The following ADAMTS18 variants were observed in gnomAD, a reference collection of about 807,000 sequenced individuals.
The protein encoded by ADAMTS18 is A disintegrin and metalloproteinase with thrombospondin motifs 18.
In ADAMTS18, 157 loss-of-function variants were observed where a neutral mutation model predicts 165.9. The observed-to-expected ratio is 0.95, with a 90% CI of 0.83 to 1.08. The LOEUF (loss-of-function observed/expected upper bound fraction) is 1.08. Ranked by LOEUF, ADAMTS18 falls within the 50% of genes least tolerant of loss-of-function variation. The pLI, the probability that ADAMTS18 is intolerant of heterozygous loss-of-function variation, is 0.00. For synonymous variants in ADAMTS18, 782 were observed against 578.2 expected, an observed-to-expected ratio of 1.35 and a Z score of -5.06; for missense variants, 2,040 against 1,534.0, an observed-to-expected ratio of 1.33 and a Z score of -5.51.
intron 13 of ADAMTS18, among the ~76,000 whole-genome samples, chr16:77,323,903 G>C (rs1237393863): frequency 6.6e-6 from 1 of 152,166 alleles, no homozygotes; most frequent in Non-Finnish European, 1.5e-5. Flanking sequence ...AAAGAGTTCA[G>C]TAAACATCTG....
At chr16:77,421,691 A>T (rs554218918) in intron 3 of ADAMTS18, among the ~76,000 whole-genome samples, 2 of 152,206 alleles carry the variant, frequency 1.3e-5, no homozygotes, top group Admixed American at 1.3e-4. Context: ...TTGGTAAGCC[A>T]TATCTGGCTA....
intron 3 of ADAMTS18, among the ~76,000 whole-genome samples, chr16:77,412,655 G>A (rs770199410): frequency 8.5e-5 from 13 of 152,238 alleles, no homozygotes; most frequent in Non-Finnish European, 1.5e-4. Context: ...AAGGTGAAAC[G>A]CACGTCTTAC....
At chr16:77,422,734 T>C (rs181369619) in intron 3 of ADAMTS18, among the ~76,000 whole-genome samples, 9 of 152,136 alleles carry the variant, frequency 5.9e-5, no homozygotes, top group African/African-American at 2.2e-4. Context: ...ATGCTTAACA[T>C]AGCCTGAGAT....
intron 3 of ADAMTS18, among the ~76,000 whole-genome samples, chr16:77,403,036 GCTT>G (rs1243856185): frequency 4.6e-5 from 7 of 152,042 alleles, no homozygotes; most frequent in Admixed American, 6.5e-5. Context: ...TATATTAACC[GCTT>G]ATTATGTGCC....
intron 3 of ADAMTS18, among the ~76,000 whole-genome samples, chr16:77,394,527 GAAATT>G (rs1344338174): frequency 9.9e-5 from 15 of 152,098 alleles, no homozygotes; most frequent in Non-Finnish European, 1.8e-4. Context: ...TAAACCATTA[GAAATT>G]TGTGTGAAAA....
At chr16:77,301,670 C>T (rs1367653625) in intron 16 of ADAMTS18, among the ~76,000 whole-genome samples, 1 of 152,196 alleles carries the variant, frequency 6.6e-6, no homozygotes, top group Non-Finnish European at 1.5e-5. Flanking sequence ...CTGTTCAAGG[C>T]CCTTCATTTC....
chr16:77,316,414 C>G (rs1411250778), intron 16 of ADAMTS18, among the ~76,000 whole-genome samples: 2 of 151,980 alleles, frequency 1.3e-5, no homozygotes, highest in African/African-American at 4.8e-5. Flanking sequence ...GCCACCATAC[C>G]CAGCTAATTT....
At chr16:77,367,818 G>A in intron 3 of ADAMTS18, 95 bp from the exon 4 acceptor site, 2 of 1,402,402 alleles carry the variant, frequency 1.4e-6, no homozygotes, top group Admixed American at 1.7e-5. Context: ...ATTCCTGTAT[G>A]TGGGCACAGG....
chr16:77,300,518 G>T, intron 16 of ADAMTS18, 114 bp from the exon 17 acceptor site: 1 of 1,190,924 alleles, frequency 8.4e-7, no homozygotes, highest in Non-Finnish European at 1.2e-6. Context: ...CTTAACATTG[G>T]TATACTTCAT....
Position 77,289,524 on chromosome 16 carries a change from G to C in ADAMTS18, c.3403-113C>G, listed in dbSNP as rs568877847. ...TAACAAGATGCCTGCTGATGAAACA[G>C]ATTGGCTGGAGCCAGGCACATGTGC... is the stretch of plus-strand genomic sequence containing the variant. On this transcript the variant is annotated intron_variant, in intron 21 of 22. Coordinates refer to ENST00000282849, the MANE Select transcript of ADAMTS18 (RefSeq NM_199355.4). 5.5e-6 allele frequency: 7 copies of C among 1,281,500 alleles called. No individual in the cohort carries two copies. In the African/African-American group the frequency reaches 5.8e-5, roughly 11 times the overall value. 79.4% of individuals were successfully genotyped at this position (1,281,500 alleles called of 1,614,324 possible).
intron 3 of ADAMTS18, among the ~76,000 whole-genome samples, chr16:77,421,785 A>G (rs1233108544): frequency 2.6e-5 from 4 of 152,156 alleles, no homozygotes; most frequent in Admixed American, 1.3e-4. Flanking sequence ...AAAATATACA[A>G]TTGCATGCAA....
intron 3 of ADAMTS18, among the ~76,000 whole-genome samples, chr16:77,391,238 C>T (rs976903462): frequency 1.3e-5 from 2 of 152,108 alleles, no homozygotes; most frequent in Non-Finnish European, 2.9e-5. Context: ...CATGATGGCT[C>T]ATGCCTGTAA....
chr16:77,390,806 G>A (rs575832859), intron 3 of ADAMTS18, among the ~76,000 whole-genome samples: 10 of 152,126 alleles, frequency 6.6e-5, no homozygotes, highest in African/African-American at 2.4e-4. Flanking sequence ...CCCATATGTG[G>A]TTATTTAAAT....
At chr16:77,309,781 T>G (rs1042281383) in intron 16 of ADAMTS18, among the ~76,000 whole-genome samples, 10 of 152,148 alleles carry the variant, frequency 6.6e-5, no homozygotes, top group Admixed American at 6.5e-4. Flanking sequence ...AGTGGAATGA[T>G]TGGCAAACTC....
chr16:77,367,705 G>A lies in ADAMTS18; in HGVS notation c.514C>T (p.Arg172Ter), dbSNP rs1597180790. The change falls in exon 4 of 23, where the codon CGA (arginine) becomes TGA (stop). Residue 172 changes from arginine (R) to a stop codon, truncating the protein, a stop_gained. Coordinates refer to ENST00000282849, the MANE Select transcript of ADAMTS18 (RefSeq NM_199355.4). LOFTEE classifies it high-confidence loss of function. ...CAGLSGLIRT[R>*]KNEFLISPLP... is the part of the protein sequence containing the mutation. Reference sequence around the variant, plus strand: ...GGCGAGATGAGGAATTCATTTTTTCGTGTCCTTATTAAACCTGACTAAAAA... The same window carrying A: ...GGCGAGATGAGGAATTCATTTTTTCATGTCCTTATTAAACCTGACTAAAAA... The A allele has an allele frequency of 4.3e-6, 7 of 1,613,992 alleles. No individual in the cohort carries two copies. The highest frequency in any genetic ancestry group is 2.2e-5 in the East Asian group (1 of 44,882).
chr16:77,389,453 T>C (rs1261855927), intron 3 of ADAMTS18, among the ~76,000 whole-genome samples: 2 of 152,282 alleles, frequency 1.3e-5, no homozygotes, highest in Non-Finnish European at 2.9e-5. Context: ...CTCATGACAG[T>C]GTGTGTCTGT....
At chr16:77,424,460 C>A (rs1240448277) in intron 3 of ADAMTS18, among the ~76,000 whole-genome samples, 1 of 149,068 alleles carries the variant, frequency 6.7e-6, no homozygotes, top group Non-Finnish European at 1.5e-5. Flanking sequence ...AAGAGTGAAA[C>A]TCCATCTCAA....
intron 3 of ADAMTS18, among the ~76,000 whole-genome samples, chr16:77,380,376 T>C (rs2057013629): frequency 6.6e-6 from 1 of 152,172 alleles, no homozygotes; most frequent in Non-Finnish European, 1.5e-5. Flanking sequence ...TCTACTGAAA[T>C]AAACACTTAA....
intron 3 of ADAMTS18, among the ~76,000 whole-genome samples, chr16:77,405,993 GA>G (rs1033684073): frequency 2.6e-5 from 4 of 151,840 alleles, no homozygotes; most frequent in Non-Finnish European, 1.5e-5. Flanking sequence ...GCAAGCAGTA[GA>G]AAAAAAATCC....
Sources: allele counts gnomAD v4.1 joint callset (sites outside exome capture counted in the v4.1 genomes callset), GRCh38; gene constraint gnomAD v4.1.1; transcripts MANE v1.5; gene names NCBI Gene and HGNC (gene_info 2026-07-23, HGNC 2026-07-21).